Variants in FRMD3 observed in about 807,000 individuals in gnomAD.
FRMD3 encodes the protein FERM domain-containing protein 3.
FRMD3 carries 33 observed loss-of-function variants against 70.2 expected under a neutral mutation model. That is an observed-to-expected ratio of 0.47 (90% CI 0.36 to 0.63). The LOEUF (loss-of-function observed/expected upper bound fraction) is 0.63. Ranked by LOEUF, FRMD3 falls within the 20% of genes least tolerant of loss-of-function variation. The probability of loss-of-function intolerance (pLI) is 0.00; values close to 1 mark genes in which losing one functional copy is unlikely to be tolerated. For synonymous variants in FRMD3, 279 were observed against 255.9 expected, an observed-to-expected ratio of 1.09 and a Z score of -0.86; for missense variants, 632 against 711.4, an observed-to-expected ratio of 0.89 and a Z score of 1.27.
At chr9:83,520,415 G>A (rs1829546151) in intron 1 of FRMD3, among the ~76,000 whole-genome samples, 1 of 152,194 alleles carries the variant, frequency 6.6e-6, no homozygotes, top group Non-Finnish European at 1.5e-5. Context: ...GTAATGCAAA[G>A]CTTCCCTGCA....
At chr9:83,288,615 G>T (rs1167185818) in intron 13 of FRMD3, among the ~76,000 whole-genome samples, 1 of 152,210 alleles carries the variant, frequency 6.6e-6, no homozygotes, top group Non-Finnish European at 1.5e-5. Context: ...TGGCTTTACA[G>T]CTGGTAAAAT....
intron 1 of FRMD3, among the ~76,000 whole-genome samples, chr9:83,521,665 A>T (rs1322795913): frequency 2.0e-5 from 3 of 152,198 alleles, no homozygotes; most frequent in Non-Finnish European, 4.4e-5. Context: ...TCCCTAATAA[A>T]CAGTGGTCAT....
chr9:83,418,309 A>G (rs564864340), intron 1 of FRMD3, among the ~76,000 whole-genome samples: 82 of 152,228 alleles, frequency 5.4e-4, no homozygotes, highest in Non-Finnish European at 7.8e-4. Context: ...GCTTCTGCAC[A>G]GAAAAAGAAA....
chr9:83,353,484 T>C (rs10867998), intron 3 of FRMD3, among the ~76,000 whole-genome samples: 40,852 of 152,076 alleles, frequency 0.27, 6,476 homozygotes, highest in Non-Finnish European at 0.35. Context: ...TAGAATAATA[T>C]GTCTTGTTCA....
chr9:83,447,911 G>C (rs909672616), intron 1 of FRMD3, among the ~76,000 whole-genome samples: 1 of 152,168 alleles, frequency 6.6e-6, no homozygotes, highest in African/African-American at 2.4e-5. Flanking sequence ...ATTGCTGTGA[G>C]AATTAAATGA....
intron 1 of FRMD3, among the ~76,000 whole-genome samples, chr9:83,492,929 A>G (rs992144089): frequency 1.3e-5 from 2 of 152,206 alleles, no homozygotes; most frequent in Admixed American, 6.5e-5. Context: ...CAGGGAGCAG[A>G]GAAGTGGGAC....
At chr9:83,332,970 C>T (rs1823440575) in intron 6 of FRMD3, among the ~76,000 whole-genome samples, 1 of 152,168 alleles carries the variant, frequency 6.6e-6, no homozygotes, top group Non-Finnish European at 1.5e-5. Context: ...AGGCCCAATT[C>T]CTTACACAAG....
chr9:83,570,893 C>T, the FRMD3 span, among the ~76,000 whole-genome samples: 9 of 151,942 alleles, frequency 5.9e-5, no homozygotes, highest in Admixed American at 1.3e-4. Flanking sequence ...TGACTGGGTT[C>T]GGAGTATATT....
intron 12 of FRMD3, among the ~76,000 whole-genome samples, chr9:83,293,309 T>C (rs1009882039): frequency 6.6e-6 from 1 of 152,162 alleles, no homozygotes. Context: ...TGATTCTAAC[T>C]CTGCAAGGAC....
Position 83,311,978 on chromosome 9 carries a change from G to GA in FRMD3, c.685-4dup, listed in dbSNP as rs200178795. 126,906 of 1,237,532 alleles carry GA rather than the reference G, an allele frequency of 0.1. 16 individuals are homozygous for GA. Among genetic ancestry groups the GA allele is most frequent in the Non-Finnish European group, 0.11 (101,323 of 916,028 alleles). The allele number at this position is 1,237,532 out of a possible 1,614,324, so 76.7% of individuals were successfully genotyped here. A position where few individuals can be genotyped will look rare whatever the true frequency, so the allele number is the denominator to read the frequency against. On this transcript the variant is annotated splice_region_variant and splice_polypyrimidine_tract_variant and intron_variant, in intron 7 of 13. Coordinates refer to ENST00000304195, the MANE Select transcript of FRMD3 (RefSeq NM_174938.6). ...AATGTTGTTGTGCCTGTTGAATCCT[G>GA]AAAAAAAAAAAAAAGAAAAAAGAAA...
At chr9:83,546,159 C>G in the FRMD3 span, among the ~76,000 whole-genome samples, 1 of 151,782 alleles carries the variant, frequency 6.6e-6, no homozygotes, top group South Asian at 2.1e-4. Flanking sequence ...GAGTTTGAGA[C>G]CAGCCTGGAC....
At chr9:83,420,441 A>G (rs17086255) in intron 1 of FRMD3, among the ~76,000 whole-genome samples, 21,926 of 152,146 alleles carry the variant, frequency 0.14, 1,884 homozygotes, top group South Asian at 0.31. Flanking sequence ...ATCATTCCCA[A>G]ATCAGCTCAG....
At chr9:83,557,320 C>T in the FRMD3 span, among the ~76,000 whole-genome samples, 3 of 152,086 alleles carry the variant, frequency 2.0e-5, no homozygotes, top group Non-Finnish European at 4.4e-5. Flanking sequence ...TCTACATGCA[C>T]AAAATAAGAA....
At chr9:83,506,178 T>C (rs2131521257) in intron 1 of FRMD3, among the ~76,000 whole-genome samples, 1 of 152,232 alleles carries the variant, frequency 6.6e-6, no homozygotes, top group East Asian at 1.9e-4. Context: ...GCTGGCACTG[T>C]ACATATAAGA....
chr9:83,382,568 G>T (rs1282402871), intron 2 of FRMD3, among the ~76,000 whole-genome samples: 3 of 152,130 alleles, frequency 2.0e-5, no homozygotes, highest in African/African-American at 7.2e-5. Context: ...TCTTCATGAT[G>T]CCAAAGCTTT....
At chr9:83,482,588 A>C in intron 1 of FRMD3, among the ~76,000 whole-genome samples, 1 of 152,222 alleles carries the variant, frequency 6.6e-6, no homozygotes, top group East Asian at 1.9e-4. Context: ...CAAATTTTTA[A>C]AATTATTACA....
intron 6 of FRMD3, among the ~76,000 whole-genome samples, chr9:83,331,152 A>G (rs756361439): frequency 1.6e-4 from 24 of 152,262 alleles, no homozygotes; most frequent in Non-Finnish European, 3.1e-4. Flanking sequence ...ACCTACACAC[A>G]GTTATTTATA....
chr9:83,386,137 G>A (rs2131289786), intron 2 of FRMD3, among the ~76,000 whole-genome samples: 1 of 152,306 alleles, frequency 6.6e-6, no homozygotes, highest in South Asian at 2.1e-4. Context: ...TCAGGACAGA[G>A]ACTCAGATAG....
the FRMD3 span, among the ~76,000 whole-genome samples, chr9:83,569,044 G>A: frequency 6.6e-6 from 1 of 152,076 alleles, no homozygotes; most frequent in Non-Finnish European, 1.5e-5. Flanking sequence ...TAGCCAATAT[G>A]AGTAAGGGAT....
Sources: gnomAD v4.1 joint callset for allele counts (sites outside exome capture counted in the v4.1 genomes callset) on GRCh38, gnomAD v4.1.1 for gene constraint, MANE v1.5 for transcripts, NCBI Gene and HGNC (gene_info 2026-07-23, HGNC 2026-07-21) for gene names.